AADACL3: variants seen among roughly 807,000 people sequenced by gnomAD.
AADACL3 encodes the protein arylacetamide deacetylase like 3, also known as arylacetamide deacetylase-like 3.
AADACL3 carries 13 observed loss-of-function variants against 13.6 expected under a neutral mutation model. The observed-to-expected ratio is 0.95, with a 90% CI of 0.62 to 1.52. The LOEUF is 1.52. Ranked by LOEUF, AADACL3 falls within the 40% of genes most tolerant of loss-of-function variation. The pLI is 0.00. For synonymous variants in AADACL3, 195 were observed against 197.0 expected (o/e 0.99, Z 0.08); for missense variants, 519 against 499.2 (o/e 1.04, Z -0.38).
At position 12,719,660 on chromosome 1, in the gene AADACL3, C is replaced by A. The variant is rs577689482; in HGVS notation, c.354C>A (p.Tyr118Ter). Residue 118 changes from tyrosine (Y) to a stop codon, truncating the protein, a stop_gained, in exon 2 of 4, where the codon TAC becomes TAA. Coordinates refer to ENST00000359318, the MANE Select transcript of AADACL3 (RefSeq NM_001103170.3). LOFTEE classifies it high-confidence loss of function. ...CCCTGAAGCCTGGCATCGTGTACTA[C>A]CACGGTGGCGGGGGCGTCATGGGGA... Reference protein sequence around the residue: ...TCTLKPGIVYYHGGGGVMGSL... With the variant: ...TCTLKPGIVY 3 of 1,614,128 alleles carry A rather than the reference C, an allele frequency of 1.9e-6. No individual in the cohort carries two copies. The highest frequency in any genetic ancestry group is 4.5e-5 in the East Asian group (2 of 44,882).
At chr1:12,721,861 C>T (rs757005817) in intron 3 of AADACL3, among the ~76,000 whole-genome samples, 2 of 152,222 alleles carry the variant, frequency 1.3e-5, no homozygotes, top group Non-Finnish European at 2.9e-5. Context: ...GCGTGGTGGG[C>T]ATGGGGTCCC....
chr1:12,716,716 A>G (rs545934222), intron 1 of AADACL3, among the ~76,000 whole-genome samples: 15 of 152,284 alleles, frequency 9.9e-5, no homozygotes, highest in Admixed American at 7.8e-4. Context: ...CATCTTTCGC[A>G]TTTTTAAGTG....
At chr1:12,719,325 A>T in intron 1 of AADACL3, 150 bp from the exon 2 acceptor site, 2 of 750,050 alleles carry the variant, frequency 2.7e-6, no homozygotes, top group Non-Finnish European at 4.6e-6. Context: ...TCCTGAGGGA[A>T]CTGAGGGCTT....
At chr1:12,718,359 CA>C (rs781999285) in intron 1 of AADACL3, among the ~76,000 whole-genome samples, 15,883 of 66,692 alleles carry the variant, frequency 0.24, 752 homozygotes, top group African/African-American at 0.37. Context: ...CTCTTCTCTC[CA>C]AAAAAAAAAA....
In AADACL3 at chr1:12,719,563, A is replaced by G. The variant is rs1246349441; in HGVS notation, c.257A>G (p.Asp86Gly). The change falls in exon 2 of 4, where the codon GAT (aspartate) becomes GGT (glycine). Residue 86 changes from aspartate (D) to glycine (G), a missense_variant. Asp to Gly is a moderately conservative substitution (Grantham distance 94, BLOSUM62 -1). Transcript: ENST00000359318. ...CTGCCTCCGCTAAAGTATGACCCCG[A>G]TGTTGTGGTCACGGATTTCCGCTTT... ...QDLPPLKYDPDVVVTDFRFGT... is the reference protein window; with the variant it reads ...QDLPPLKYDPGVVVTDFRFGT... 1.1e-5 allele frequency: 18 copies of G among 1,613,984 alleles called. No homozygotes were observed. Among genetic ancestry groups the G allele is most frequent in the Non-Finnish European group, 1.4e-5 (17 of 1,179,974 alleles).
chr1:12,725,488 A>C lies in AADACL3; in HGVS notation c.716A>C (p.Lys239Thr). The change falls in exon 4 of 4, where the codon AAA (lysine) becomes ACA (threonine). Residue 239 changes from lysine (K) to threonine (T), a missense_variant. Coordinates refer to ENST00000359318, the MANE Select transcript of AADACL3 (RefSeq NM_001103170.3). ...CAAACCCCTTCGTTTCAACAGAGGA[A>C]AAACATCCCACTGCTCACCTGGAGT... ...DLQTPSFQQR[K>T]NIPLLTWSFI... 6.2e-7 allele frequency: 1 copy of C among 1,614,078 alleles called. No homozygotes were observed. The highest frequency in any genetic ancestry group is 8.5e-7 in the Non-Finnish European group (1 of 1,180,014).
chr1:12,716,265 C>A lies in AADACL3; in HGVS notation c.89C>A (p.Thr30Asn). Reference sequence around the variant, plus strand: ...TGGGTCATTTGCAGCCATTTTTTCACTGTGCACATCCCTGCAGCGGTTGGC... The same window carrying A: ...TGGGTCATTTGCAGCCATTTTTTCAATGTGCACATCCCTGCAGCGGTTGGC... ...TLWVICSHFF[T>N]VHIPAAVGHP... The change falls in exon 1 of 4, where the codon ACT becomes AAT. Residue 30 changes from threonine to asparagine, a missense_variant. Thr to Asn is a moderately conservative substitution (Grantham distance 65). Transcript: ENST00000359318. 42 of 1,590,660 alleles carry A rather than the reference C, an allele frequency of 2.6e-5. No individual in the cohort carries two copies. Among genetic ancestry groups the A allele is most frequent in the Non-Finnish European group, 3.6e-5 (42 of 1,158,976 alleles).
rs1638409385 is a variant in AADACL3 at position 12,728,072 on chromosome 1, A to C, written c.*2076A>C. 1 of 152,202 alleles carries C rather than the reference A, an allele frequency of 6.6e-6. No homozygotes were observed. The highest frequency in any genetic ancestry group is 2.4e-5 in the African/African-American group (1 of 41,440). 9.4% of individuals were successfully genotyped at this position (152,202 alleles called of 1,614,324 possible). On this transcript the variant is annotated 3_prime_UTR_variant, in exon 4 of 4. Transcript: ENST00000359318. The stretch of plus-strand genomic sequence containing the variant: ...TGGGAGAAATCAAGCACTTTCACCT[A>C]ATGGCTAGATGATTGATTTTGGGAT...
At position 12,726,032 on chromosome 1, in the gene AADACL3, T is replaced by C; in HGVS notation, c.*36T>C. 1 of 1,564,132 alleles carries C rather than the reference T, an allele frequency of 6.4e-7. No homozygotes were observed. The highest frequency in any genetic ancestry group is 8.7e-7 in the Non-Finnish European group (1 of 1,154,944). On this transcript the variant is annotated 3_prime_UTR_variant, in exon 4 of 4. Transcript: ENST00000359318. ...TCTCTGCTGGTACTGCGGTGTGGAT[T>C]CCACTGGCATCCAGCCTCCCACAGG...
At chr1:12,721,982 AGT>A (rs1389164466) in intron 3 of AADACL3, among the ~76,000 whole-genome samples, 1 of 152,130 alleles carries the variant, frequency 6.6e-6, no homozygotes, top group Non-Finnish European at 1.5e-5. Flanking sequence ...TCTGCATCTC[AGT>A]GGGGGTACAT....
chr1:12,718,347 G>A lies in AADACL3; in HGVS notation c.169-1128G>A, dbSNP rs555694114. Among the ~76,000 whole-genome samples, 346 of 128,888 alleles carry A rather than the reference G, an allele frequency of 2.7e-3. 1 individual carries two copies. Among genetic ancestry groups the A allele is most frequent in the African/African-American group, 0.01 (332 of 32,474 alleles). 84.6% of individuals were successfully genotyped at this position (128,888 alleles called of 152,430 possible). ...AGACCAGCCTGGGTGACATAATGAG[G>A]CCTCTTCTCTCCAAAAAAAAAAAAA... On this transcript the variant is annotated intron_variant, in intron 1 of 3. Coordinates refer to ENST00000359318, the MANE Select transcript of AADACL3 (RefSeq NM_001103170.3).
rs1302707044 is a variant in AADACL3, at chr1:12,726,191, A to T, written c.*195A>T. On this transcript the variant is annotated 3_prime_UTR_variant, in exon 4 of 4. Transcript: ENST00000359318. ...GTCCAGAGGACGTGGTAGAAAAGAC[A>T]GGTTTGGAGGTGGGAGTGTGGCTGT... 1.6e-6 allele frequency: 1 copy of T among 617,522 alleles called. No individual in the cohort carries two copies. Among genetic ancestry groups the T allele is most frequent in the Non-Finnish European group, 2.7e-6 (1 of 367,338 alleles). 38.3% of individuals were successfully genotyped at this position (617,522 alleles called of 1,614,324 possible).
chr1:12,725,923 A>G lies in AADACL3; in HGVS notation c.1151A>G (p.Asp384Gly). The change falls in exon 4 of 4, where the codon GAC becomes GGC. Residue 384 changes from aspartate (D) to glycine (G), a missense_variant. Transcript: ENST00000359318. The part of the protein sequence containing the change: ...DGFHGVLRTI[D>G]MSFLHFPCSM... ...TTCCATGGAGTGCTCAGGACCATTG[A>G]CATGAGCTTCTTGCACTTTCCCTGC... is the stretch of plus-strand genomic sequence containing the variant. 6.2e-7 allele frequency: 1 copy of G among 1,614,204 alleles called. No individual in the cohort carries two copies. The highest frequency in any genetic ancestry group is 8.5e-7 in the Non-Finnish European group (1 of 1,180,024).
In AADACL3 at chr1:12,727,009, G is replaced by A. The variant is rs972698770; in HGVS notation, c.*1013G>A. ...TGCCATCAGCTGTCCTGTCTTCTCT[G>A]CTCTGCTCTTCTCTCCTCTGTGTTA... On this transcript the variant is annotated 3_prime_UTR_variant, in exon 4 of 4. Transcript: ENST00000359318. 2 of 152,350 alleles carry A rather than the reference G, an allele frequency of 1.3e-5. No individual in the cohort carries two copies. Among genetic ancestry groups the A allele is most frequent in the African/African-American group, 4.8e-5 (2 of 41,434 alleles). The allele number at this position is 152,350 out of a possible 1,614,324, so 9.4% of individuals were successfully genotyped here.
Position 12,725,876 on chromosome 1 carries a change from C to T in AADACL3, c.1104C>T (p.Thr368=), listed in dbSNP as rs1322819000. ...TGGAAGACCTGGGAGTGCCCGTGAC[C>T]TGGCACCATATGGAGGATGGTTTCC... The part of the protein sequence containing the change: ...KRLEDLGVPV[T]WHHMEDGFHG... Residue 368 remains threonine (T), a synonymous_variant, in exon 4 of 4, where the codon ACC becomes ACT. Coordinates refer to ENST00000359318, the MANE Select transcript of AADACL3 (RefSeq NM_001103170.3). 6.2e-7 allele frequency: 1 copy of T among 1,614,220 alleles called. No individual in the cohort carries two copies. The highest frequency in any genetic ancestry group is 1.1e-5 in the South Asian group (1 of 91,086).
At position 12,725,771 on chromosome 1, in the gene AADACL3, G is replaced by T. The variant is rs746815760; in HGVS notation, c.999G>T (p.Val333=). Residue 333 remains valine, a synonymous_variant, in exon 4 of 4, where the codon GTG becomes GTT. Coordinates refer to ENST00000359318, the MANE Select transcript of AADACL3 (RefSeq NM_001103170.3). ...CSPLIAEDDI[V]SQLPETCIVS... is the part of the protein sequence containing the mutation. ...CCCTGATTGCAGAAGATGACATAGT[G>T]TCTCAGCTCCCGGAAACCTGCATCG... The T allele has an allele frequency of 1.2e-6, 2 of 1,614,166 alleles. No homozygotes were observed. Among genetic ancestry groups the T allele is most frequent in the Non-Finnish European group, 1.7e-6 (2 of 1,180,036 alleles).
Position 12,726,666 on chromosome 1 carries a change from C to A in AADACL3, c.*670C>A, listed in dbSNP as rs972950178. 1.3e-5 allele frequency: 2 copies of A among 152,172 alleles called. No individual in the cohort carries two copies. Among genetic ancestry groups the A allele is most frequent in the Non-Finnish European group, 2.9e-5 (2 of 68,078 alleles). 9.4% of individuals were successfully genotyped at this position (152,172 alleles called of 1,614,324 possible). ...CTGCAGCTGCCCGACTTGGGGAGCT[C>A]TGGAGCTCCTGGAATCAAAGCCTGT... On this transcript the variant is annotated 3_prime_UTR_variant, in exon 4 of 4. Coordinates refer to ENST00000359318, the MANE Select transcript of AADACL3 (RefSeq NM_001103170.3).
In AADACL3 at chr1:12,725,236, C is replaced by T; in HGVS notation, c.464C>T (p.Pro155Leu). 3 of 1,601,552 alleles carry T rather than the reference C, an allele frequency of 1.9e-6. No homozygotes were observed. The highest frequency in any genetic ancestry group is 1.1e-5 in the South Asian group (1 of 88,994). Residue 155 changes from proline to leucine, a missense_variant, in exon 4 of 4, where the codon CCT becomes CTT. By Grantham distance (98) the Pro-to-Leu change is moderately conservative. Transcript: ENST00000359318. Reference sequence around the variant, plus strand: ...TTCCTTTTTAGTTACCGCAAGTTACCTAAGCATAAGTTTCCAGTGCCAGTA... The same window carrying T: ...TTCCTTTTTAGTTACCGCAAGTTACTTAAGCATAAGTTTCCAGTGCCAGTA... ...VVLAVGYRKL[P>L]KHKFPVPVRD...
At chr1:12,723,060 C>T (rs756995546) in intron 3 of AADACL3, among the ~76,000 whole-genome samples, 19 of 152,010 alleles carry the variant, frequency 1.2e-4, no homozygotes, top group African/African-American at 2.9e-4. Flanking sequence ...TTAGTAGAGA[C>T]GAGGTCTTGC....
Sources: gnomAD v4.1 joint callset for allele counts (sites outside exome capture counted in the v4.1 genomes callset) on GRCh38, gnomAD v4.1.1 for gene constraint, MANE v1.5 for transcripts, NCBI Gene and HGNC (gene_info 2026-07-23, HGNC 2026-07-21) for gene names.